The following NR3C2 variants were observed in gnomAD, a reference collection of about 807,000 sequenced individuals.
NR3C2 encodes the protein mineralocorticoid receptor.
Under a neutral mutation model 86.4 loss-of-function variants are expected in NR3C2, and 15 were observed. The observed-to-expected ratio is 0.17, with a 90% CI of 0.12 to 0.27. The LOEUF is 0.27. Among genes scored for constraint, NR3C2 ranks in the 10% least tolerant of loss-of-function variants. The probability of loss-of-function intolerance (pLI) is 1.00; values close to 1 mark genes in which losing one functional copy is unlikely to be tolerated. For missense variants in NR3C2, 960 were observed against 1,195.6 expected (o/e 0.80, Z 2.91); for synonymous variants, 458 against 450.5 (o/e 1.02, Z -0.21).
At chr4:148,324,367 T>TGTG (rs1561043273) in intron 2 of NR3C2, among the ~76,000 whole-genome samples, 211 of 70,560 alleles carry the variant, frequency 3.0e-3, no homozygotes, top group African/African-American at 8.3e-3. Context: ...GTGTGTGTGT[T>TGTG]TGTGTGTGTG....
intron 3 of NR3C2, among the ~76,000 whole-genome samples, chr4:148,243,887 T>A (rs1416625046): frequency 6.6e-6 from 1 of 152,230 alleles, no homozygotes; most frequent in Non-Finnish European, 1.5e-5. Flanking sequence ...GTATGATTGC[T>A]GCCATAATTT....
At chr4:148,416,881 T>A (rs1174320670) in intron 2 of NR3C2, among the ~76,000 whole-genome samples, 1 of 152,176 alleles carries the variant, frequency 6.6e-6, no homozygotes, top group Non-Finnish European at 1.5e-5. Context: ...GTTCAAGTGA[T>A]TCTCCTGCCT....
chr4:148,148,064 C>A (rs1426429097), intron 6 of NR3C2, among the ~76,000 whole-genome samples: 1 of 90,986 alleles, frequency 1.1e-5, no homozygotes, highest in African/African-American at 3.1e-5. Context: ...AAAATAACTG[C>A]CTATATAATA....
rs149902988 is a variant in NR3C2, at chr4:148,436,122, T to C, written c.739A>G (p.Arg247Gly). The part of the protein sequence containing the change: ...CSPNVENRGS[R>G]SHSPAHASNV... ...CTAGCATGTGCAGGGCTGTGCGACC[T>C]GGAGCCTCGATTTTCAACATTAGGG... The change falls in exon 2 of 9, where the codon AGG (arginine) becomes GGG (glycine). Residue 247 changes from arginine to glycine, a missense_variant. Arg to Gly is a moderately radical substitution (Grantham distance 125). Transcript: ENST00000358102. 1.2e-6 allele frequency: 2 copies of C among 1,614,156 alleles called. No individual in the cohort carries two copies. Among genetic ancestry groups the C allele is most frequent in the East Asian group, 2.2e-5 (1 of 44,878 alleles).
At chr4:148,243,995 A>C (rs941574366) in intron 3 of NR3C2, among the ~76,000 whole-genome samples, 3 of 152,242 alleles carry the variant, frequency 2.0e-5, no homozygotes, top group Non-Finnish European at 4.4e-5. Context: ...CAATGGTTTA[A>C]GTAAGAGAAT....
chr4:148,136,664 GA>G (rs1447111882), intron 6 of NR3C2, among the ~76,000 whole-genome samples: 15 of 150,134 alleles, frequency 1.0e-4, no homozygotes, highest in African/African-American at 3.7e-4. Flanking sequence ...TTTTTTTTTT[GA>G]GATGGAGTTT....
intron 2 of NR3C2, among the ~76,000 whole-genome samples, chr4:148,329,998 T>C (rs1202117647): frequency 6.6e-6 from 1 of 152,218 alleles, no homozygotes; most frequent in African/African-American, 2.4e-5. Flanking sequence ...CCAGGGAGGC[T>C]GCACTACAAC....
Position 148,260,102 on chromosome 4 carries a change from A to G in NR3C2, c.1773T>C (p.Ser591=), listed in dbSNP as rs55914141. 2.3e-4 allele frequency: 374 copies of G among 1,613,984 alleles called. 1 individual carries two copies. Among genetic ancestry groups the G allele is most frequent in the Non-Finnish European group, 2.7e-4 (315 of 1,180,004 alleles). ...AAGGTCTTGAAGATCCAGTAGAAAC[A>G]CTTCGTAAAGTAGAGCTGGGGAAAG... is the stretch of plus-strand genomic sequence containing the variant. ...PENVSSSTLR[S]VSTGSSRPSK... Residue 591 remains serine (S), a synonymous_variant, in exon 3 of 9, where the codon AGT becomes AGC. Coordinates refer to ENST00000358102, the MANE Select transcript of NR3C2 (RefSeq NM_000901.5).
intron 4 of NR3C2, among the ~76,000 whole-genome samples, chr4:148,194,149 A>G (rs1036435737): frequency 6.6e-6 from 1 of 152,174 alleles, no homozygotes; most frequent in Non-Finnish European, 1.5e-5. Flanking sequence ...ACTTAGAATA[A>G]TCAATTGGTA....
chr4:148,345,247 GT>G (rs201674976), intron 2 of NR3C2, among the ~76,000 whole-genome samples: 127 of 151,358 alleles, frequency 8.4e-4, no homozygotes, highest in African/African-American at 2.9e-3. Context: ...ATTTTAGTTA[GT>G]TTTTTTTTAA....
At chr4:148,433,518 C>G (rs533603773) in intron 2 of NR3C2, among the ~76,000 whole-genome samples, 4 of 152,120 alleles carry the variant, frequency 2.6e-5, no homozygotes, top group Non-Finnish European at 5.9e-5. Flanking sequence ...TTCATAATAG[C>G]AAAACATATA....
At chr4:148,388,272 T>C (rs1212639526) in intron 2 of NR3C2, among the ~76,000 whole-genome samples, 1 of 152,226 alleles carries the variant, frequency 6.6e-6, no homozygotes, top group Non-Finnish European at 1.5e-5. Flanking sequence ...AAGAAATGTT[T>C]TGGATTTTAC....
At chr4:148,178,306 G>C (rs1735475442) in intron 4 of NR3C2, among the ~76,000 whole-genome samples, 1 of 151,776 alleles carries the variant, frequency 6.6e-6, no homozygotes, top group South Asian at 2.1e-4. Flanking sequence ...ACTCCAGCCT[G>C]GGCAACAGAG....
intron 6 of NR3C2, among the ~76,000 whole-genome samples, chr4:148,136,872 TCTTA>T (rs933117261): frequency 3.7e-4 from 57 of 152,152 alleles, no homozygotes; most frequent in African/African-American, 1.3e-3. Flanking sequence ...TGCATTTAGG[TCTTA>T]CTTGTCCAGT....
chr4:148,369,679 T>C (rs770393446), intron 2 of NR3C2, among the ~76,000 whole-genome samples: 12 of 152,212 alleles, frequency 7.9e-5, no homozygotes, highest in East Asian at 1.9e-4. Flanking sequence ...AGCAAATGGA[T>C]TGTGCCCACT....
intron 2 of NR3C2, among the ~76,000 whole-genome samples, chr4:148,331,772 T>C (rs1287358850): frequency 2.6e-5 from 4 of 152,160 alleles, no homozygotes; most frequent in Non-Finnish European, 2.9e-5. Context: ...AGATGAAGCA[T>C]AAAATCTTAC....
intron 5 of NR3C2, among the ~76,000 whole-genome samples, chr4:148,153,617 A>G (rs1287109677): frequency 6.6e-6 from 1 of 152,218 alleles, no homozygotes; most frequent in Non-Finnish European, 1.5e-5. Flanking sequence ...GTCTGACCAC[A>G]GGTAATCTAA....
At chr4:148,192,372 C>A (rs1736238121) in intron 4 of NR3C2, among the ~76,000 whole-genome samples, 1 of 152,096 alleles carries the variant, frequency 6.6e-6, no homozygotes, top group Non-Finnish European at 1.5e-5. Context: ...AGCACTTATT[C>A]CAGTGGAGGT....
intron 8 of NR3C2, among the ~76,000 whole-genome samples, chr4:148,088,248 C>T (rs1730905970): frequency 6.6e-6 from 1 of 152,206 alleles, no homozygotes; most frequent in South Asian, 2.1e-4. Context: ...GAAATAAGAA[C>T]ACTTTTATAC....
Sources: gnomAD v4.1 joint callset for allele counts (sites outside exome capture counted in the v4.1 genomes callset) on GRCh38, gnomAD v4.1.1 for gene constraint, MANE v1.5 for transcripts, NCBI Gene and HGNC (gene_info 2026-07-23, HGNC 2026-07-21) for gene names.